Variants in ZNF804B observed in about 807,000 individuals in gnomAD.
ZNF804B encodes the protein zinc finger protein 804B.
ZNF804B carries 80 observed loss-of-function variants against 101.4 expected under a neutral mutation model. That is an observed-to-expected ratio of 0.79 (90% confidence interval 0.66 to 0.95). The LOEUF (loss-of-function observed/expected upper bound fraction) is 0.95. ZNF804B is among the 40% of genes least tolerant of loss of function. The probability of loss-of-function intolerance (pLI) is 0.00; values close to 1 mark genes in which losing one functional copy is unlikely to be tolerated. For missense variants in ZNF804B, 1,673 were observed against 1,561.9 expected (o/e 1.07, Z -1.20); for synonymous variants, 622 against 558.8 (o/e 1.11, Z -1.59).
At chr7:88,955,170 G>A (rs1021112159) in intron 1 of ZNF804B, among the ~76,000 whole-genome samples, 3 of 150,360 alleles carry the variant, frequency 2.0e-5, no homozygotes, top group Admixed American at 1.3e-4. Context: ...TTTTGAATGA[G>A]TTTACATAAC....
At chr7:89,083,368 A>G (rs1789725913) in intron 1 of ZNF804B, among the ~76,000 whole-genome samples, 1 of 151,800 alleles carries the variant, frequency 6.6e-6, no homozygotes. Flanking sequence ...TCTGTTAATA[A>G]TTTCTGTTCC....
intron 2 of ZNF804B, among the ~76,000 whole-genome samples, chr7:89,267,905 A>T (rs2115830036): frequency 6.6e-6 from 1 of 152,234 alleles, no homozygotes; most frequent in Non-Finnish European, 1.5e-5. Flanking sequence ...ATGTCTGGTG[A>T]TAGGTAGCTG....
At chr7:89,034,343 C>T (rs1044478356) in intron 1 of ZNF804B, among the ~76,000 whole-genome samples, 18 of 151,942 alleles carry the variant, frequency 1.2e-4, no homozygotes, top group South Asian at 2.1e-4. Flanking sequence ...ATACATGTGC[C>T]GTGGTTGTTT....
At chr7:89,145,501 T>G (rs1168655782) in intron 1 of ZNF804B, among the ~76,000 whole-genome samples, 4 of 152,086 alleles carry the variant, frequency 2.6e-5, no homozygotes, top group Non-Finnish European at 2.9e-5. Flanking sequence ...TCCAGTACTG[T>G]GCTAGGCAAG....
intron 1 of ZNF804B, among the ~76,000 whole-genome samples, chr7:88,781,044 G>A (rs1790218509): frequency 6.6e-6 from 1 of 151,966 alleles, no homozygotes; most frequent in Admixed American, 6.6e-5. Context: ...TTTCTTGTTA[G>A]AAACACATAA....
intron 2 of ZNF804B, among the ~76,000 whole-genome samples, chr7:89,229,778 A>C (rs961515782): frequency 6.6e-6 from 1 of 152,216 alleles, no homozygotes; most frequent in African/African-American, 2.4e-5. Flanking sequence ...TCTCCAACTC[A>C]CGTAAAACAT....
intron 1 of ZNF804B, among the ~76,000 whole-genome samples, chr7:89,014,207 C>A (rs1404008076): frequency 2.6e-5 from 4 of 152,082 alleles, no homozygotes. Context: ...GCACCCTCAC[C>A]AACATTAATT....
chr7:89,172,543 G>T (rs1047193255), intron 1 of ZNF804B, among the ~76,000 whole-genome samples: 1 of 152,086 alleles, frequency 6.6e-6, no homozygotes, highest in African/African-American at 2.4e-5. Context: ...TAACTGTACA[G>T]CCACTTTTTC....
At chr7:88,951,650 G>A (rs1304676833) in intron 1 of ZNF804B, among the ~76,000 whole-genome samples, 1 of 151,688 alleles carries the variant, frequency 6.6e-6, no homozygotes, top group African/African-American at 2.4e-5. Context: ...AAGGTTTCTG[G>A]GAAAAATATA....
chr7:89,248,363 G>A (rs966964341), intron 2 of ZNF804B, among the ~76,000 whole-genome samples: 1 of 151,168 alleles, frequency 6.6e-6, no homozygotes, highest in African/African-American at 2.4e-5. Context: ...AGAGAAAAAG[G>A]TCAAATTATG....
At position 89,172,622 on chromosome 7, in the gene ZNF804B, G is replaced by A. The variant is rs551310492; in HGVS notation, c.109-45533G>A. ...TTTATAGCAATGTAACAAATTTAAT[G>A]TTCTTAATATACCCTTGTAGAACTT... On this transcript the variant is annotated intron_variant, in intron 1 of 3. Coordinates refer to ENST00000333190, the MANE Select transcript of ZNF804B (RefSeq NM_181646.5). 2.1e-4 allele frequency among the ~76,000 whole-genome samples: 32 copies of A among 152,170 alleles called. No homozygotes were observed. In the South Asian group the frequency reaches 5.8e-3, roughly 28 times the overall value.
chr7:88,833,718 C>A (rs567883060), intron 1 of ZNF804B, among the ~76,000 whole-genome samples: 1 of 151,842 alleles, frequency 6.6e-6, no homozygotes, highest in Admixed American at 6.6e-5. Flanking sequence ...GAAAGCCAAG[C>A]TTCTCAAATA....
At chr7:89,199,842 T>A (rs1224153217) in intron 1 of ZNF804B, among the ~76,000 whole-genome samples, 3 of 149,248 alleles carry the variant, frequency 2.0e-5, no homozygotes, top group Admixed American at 6.7e-5. Context: ...TATGTGTGTG[T>A]GTATATATAA....
chr7:88,853,604 A>G (rs987742353), intron 1 of ZNF804B, among the ~76,000 whole-genome samples: 11 of 152,138 alleles, frequency 7.2e-5, no homozygotes, highest in African/African-American at 2.4e-4. Context: ...AACTTTAAAT[A>G]TGTGACATTA....
intron 2 of ZNF804B, among the ~76,000 whole-genome samples, chr7:89,320,851 A>G (rs1790807317): frequency 6.6e-6 from 1 of 152,152 alleles, no homozygotes; most frequent in Non-Finnish European, 1.5e-5. Context: ...CAACTAAATG[A>G]TGTTTTTAAA....
chr7:89,161,774 A>G (rs186118965), intron 1 of ZNF804B, among the ~76,000 whole-genome samples: 1 of 152,134 alleles, frequency 6.6e-6, no homozygotes, highest in Non-Finnish European at 1.5e-5. Flanking sequence ...AGTTGACATT[A>G]TATATTCCAG....
intron 1 of ZNF804B, among the ~76,000 whole-genome samples, chr7:89,024,205 C>A (rs907669912): frequency 6.6e-6 from 1 of 152,106 alleles, no homozygotes; most frequent in Non-Finnish European, 1.5e-5. Context: ...GCATACATGG[C>A]TTCTGCTTCT....
chr7:89,152,151 T>C (rs931961840), intron 1 of ZNF804B, among the ~76,000 whole-genome samples: 6 of 152,154 alleles, frequency 3.9e-5, no homozygotes, highest in Non-Finnish European at 7.3e-5. Context: ...ATCTTTTGCT[T>C]AGAATTTTTC....
At chr7:89,179,578 A>T (rs780149506) in intron 1 of ZNF804B, among the ~76,000 whole-genome samples, 7 of 152,224 alleles carry the variant, frequency 4.6e-5, no homozygotes, top group Non-Finnish European at 7.3e-5. Flanking sequence ...TTCTTAAAAC[A>T]GCTATTTTAA....
Sources: allele counts gnomAD v4.1 joint callset (sites outside exome capture counted in the v4.1 genomes callset), GRCh38; gene constraint gnomAD v4.1.1; transcripts MANE v1.5; gene names NCBI Gene and HGNC (gene_info 2026-07-23, HGNC 2026-07-21).